TENM4: variants seen among roughly 807,000 people sequenced by gnomAD.
TENM4 encodes teneurin-4.
TENM4 carries 82 observed loss-of-function variants against 243.3 expected under a neutral mutation model. That is an observed-to-expected ratio of 0.34 (90% CI 0.28 to 0.40). TENM4 has a LOEUF of 0.40. Ranked by LOEUF, TENM4 falls within the 10% of genes least tolerant of loss-of-function variation. The pLI is 1.00. For missense variants in TENM4, 3,138 were observed against 3,673.3 expected, an observed-to-expected ratio of 0.85 and a Z score of 3.77; for synonymous variants, 1,412 against 1,456.3, an observed-to-expected ratio of 0.97 and a Z score of 0.69.
chr11:79,144,790 A>C (rs966579635), intron 4 of TENM4, among the ~76,000 whole-genome samples: 1 of 152,074 alleles, frequency 6.6e-6, no homozygotes, highest in East Asian at 1.9e-4. Flanking sequence ...TGGGAAGGGT[A>C]GTGAGCATGG....
intron 32 of TENM4, among the ~76,000 whole-genome samples, chr11:78,665,965 A>G (rs760526071): frequency 2.6e-5 from 4 of 152,194 alleles, no homozygotes; most frequent in Non-Finnish European, 5.9e-5. Context: ...AGCCACCAGT[A>G]AGTGCTTCAG....
intron 2 of TENM4, among the ~76,000 whole-genome samples, chr11:79,234,234 A>T (rs1864423520): frequency 1.3e-5 from 2 of 152,162 alleles, no homozygotes; most frequent in Admixed American, 1.3e-4. Flanking sequence ...TTCATTCATC[A>T]TTTGAACAAT....
intron 3 of TENM4, among the ~76,000 whole-genome samples, chr11:79,166,104 T>C (rs1363570922): frequency 6.6e-6 from 1 of 152,208 alleles, no homozygotes; most frequent in Admixed American, 6.5e-5. Context: ...TTCTACTGCA[T>C]GTCTCAGCCA....
chr11:79,334,342 C>A (rs77330671), intron 1 of TENM4, among the ~76,000 whole-genome samples: 1,896 of 152,258 alleles, frequency 0.012, 41 homozygotes, highest in African/African-American at 0.043. Flanking sequence ...CTGACCTAGG[C>A]CAGGTGCCAG....
At chr11:78,714,514 C>T (rs1470189036) in intron 25 of TENM4, among the ~76,000 whole-genome samples, 2 of 148,488 alleles carry the variant, frequency 1.3e-5, no homozygotes, top group Admixed American at 1.3e-4. Context: ...GGAGGTCTCT[C>T]CGCCTGTAGC....
intron 9 of TENM4, among the ~76,000 whole-genome samples, chr11:78,882,761 A>C (rs1487970582): frequency 6.6e-6 from 1 of 152,246 alleles, no homozygotes. Flanking sequence ...TATTCCAACA[A>C]GCAAAGCTCT....
chr11:79,196,905 G>T (rs1273311867), intron 3 of TENM4, among the ~76,000 whole-genome samples: 4 of 152,206 alleles, frequency 2.6e-5, no homozygotes, highest in African/African-American at 9.6e-5. Flanking sequence ...AGTAGCCTCA[G>T]CATGAGGAGG....
intron 4 of TENM4, among the ~76,000 whole-genome samples, chr11:79,119,074 C>T (rs1296379202): frequency 6.6e-6 from 1 of 152,140 alleles, no homozygotes; most frequent in African/African-American, 2.4e-5. Flanking sequence ...TATGAGATCA[C>T]ACATTTAGGA....
chr11:79,281,720 G>A (rs1856160305), intron 2 of TENM4, among the ~76,000 whole-genome samples: 1 of 152,164 alleles, frequency 6.6e-6, no homozygotes, highest in African/African-American at 2.4e-5. Flanking sequence ...GGGCTACAAT[G>A]GCCTTTGTCA....
intron 1 of TENM4, among the ~76,000 whole-genome samples, chr11:79,300,931 A>AC (rs35752852): frequency 6.6e-6 from 1 of 151,926 alleles, no homozygotes; most frequent in Non-Finnish European, 1.5e-5. Context: ...ATGTTTTGAC[A>AC]CCCCCCTGCA....
intron 10 of TENM4, among the ~76,000 whole-genome samples, chr11:78,859,996 T>C (rs551329626): frequency 1.3e-5 from 2 of 152,342 alleles, no homozygotes; most frequent in East Asian, 3.9e-4. Flanking sequence ...CCTGGAATGG[T>C]TACAGCCATT....
At position 78,658,489 on chromosome 11, in the gene TENM4, C is replaced by T. The variant is rs1355219374; in HGVS notation, c.7879G>A (p.Gly2627Ser). 1.2e-6 allele frequency: 2 copies of T among 1,613,974 alleles called. No individual in the cohort carries two copies. Among genetic ancestry groups the T allele is most frequent in the Admixed American group, 3.3e-5 (2 of 60,016 alleles). ...HYFVKPGPSE[G>S]DLAILGLSGG... ...CTGAGGCCCAGGATGGCCAGGTCAC[C>T]TTCTGAAGGTCCTGGTTTCACAAAG... is the stretch of plus-strand genomic sequence containing the variant. The change falls in exon 34 of 34, where the codon GGT becomes AGT. Residue 2627 changes from glycine to serine, a missense_variant. Physicochemically the swap from Gly to Ser is moderately conservative, Grantham distance 56. Transcript: ENST00000278550.
intron 4 of TENM4, among the ~76,000 whole-genome samples, chr11:79,086,607 G>A (rs1030945021): frequency 2.0e-5 from 3 of 152,126 alleles, no homozygotes; most frequent in Non-Finnish European, 2.9e-5. Flanking sequence ...GCTGAGGCGG[G>A]CAGATCACTT....
At chr11:79,010,103 A>G (rs1035200863) in intron 6 of TENM4, among the ~76,000 whole-genome samples, 2 of 152,160 alleles carry the variant, frequency 1.3e-5, no homozygotes, top group East Asian at 1.9e-4. Context: ...CTGTGAGTCA[A>G]TTAAACCTCT....
intron 6 of TENM4, among the ~76,000 whole-genome samples, chr11:78,911,451 T>A (rs1469365539): frequency 6.6e-6 from 1 of 152,188 alleles, no homozygotes; most frequent in Non-Finnish European, 1.5e-5. Context: ...TCTGGATAGG[T>A]TTGGCTAATG....
chr11:78,861,171 T>G (rs1858809513), intron 10 of TENM4, among the ~76,000 whole-genome samples: 1 of 152,232 alleles, frequency 6.6e-6, no homozygotes, highest in Non-Finnish European at 1.5e-5. Context: ...GAAGCTGACA[T>G]GGGCACCACG....
Position 79,299,103 on chromosome 11 carries a change from T to C in TENM4, c.-320-1560A>G, listed in dbSNP as rs933567320. Reference sequence around the variant, plus strand: ...ACACACACATACACACACACATACATACACACACACAATTTATTAAAATAA... The same window carrying C: ...ACACACACATACACACACACATACACACACACACACAATTTATTAAAATAA... On this transcript the variant is annotated intron_variant, in intron 1 of 33. Transcript: ENST00000278550. Among the ~76,000 whole-genome samples the C allele has an allele frequency of 3.5e-4, 53 of 151,504 alleles. 1 individual carries two copies. The highest frequency in any genetic ancestry group is 3.4e-3 in the Middle Eastern group (1 of 294).
chr11:78,889,633 G>A (rs976468184), intron 9 of TENM4, among the ~76,000 whole-genome samples, 152 bp downstream of exon 9: 1 of 152,226 alleles, frequency 6.6e-6, no homozygotes, highest in African/African-American at 2.4e-5. Context: ...AGTGTCAGGG[G>A]TGCAGACTGT....
chr11:79,215,323 C>T (rs1864027624), intron 3 of TENM4, among the ~76,000 whole-genome samples: 2 of 152,174 alleles, frequency 1.3e-5, no homozygotes, highest in Admixed American at 6.5e-5. Flanking sequence ...AGACCACCTG[C>T]CTTCTGGACA....
Sources: allele counts gnomAD v4.1 joint callset (sites outside exome capture counted in the v4.1 genomes callset), GRCh38; gene constraint gnomAD v4.1.1; transcripts MANE v1.5; gene names NCBI Gene and HGNC (gene_info 2026-07-23, HGNC 2026-07-21).